Variants in ASB4 observed in about 807,000 individuals in gnomAD.
ASB4 encodes ankyrin repeat and SOCS box containing 4.
Under a neutral mutation model 38.6 loss-of-function variants are expected in ASB4, and 35 were observed. The observed-to-expected ratio is 0.91, with a 90% CI of 0.69 to 1.20. The LOEUF (loss-of-function observed/expected upper bound fraction) is 1.20. Among genes scored for constraint, ASB4 ranks in the 50% most tolerant of loss-of-function variants. The probability of loss-of-function intolerance (pLI) is 0.00; values close to 1 mark genes in which losing one functional copy is unlikely to be tolerated. For missense variants in ASB4, 557 were observed against 527.2 expected, an observed-to-expected ratio of 1.06 and a Z score of -0.55; for synonymous variants, 195 against 201.3, an observed-to-expected ratio of 0.97 and a Z score of 0.26.
chr7:95,516,717 C>T (rs1020292937), intron 2 of ASB4, among the ~76,000 whole-genome samples: 3 of 152,222 alleles, frequency 2.0e-5, no homozygotes, highest in Non-Finnish European at 4.4e-5. Context: ...GTTTAATAAG[C>T]ATTTATAAAG....
intron 2 of ASB4, among the ~76,000 whole-genome samples, chr7:95,516,926 G>A (rs1422543437): frequency 2.0e-5 from 3 of 152,110 alleles, no homozygotes; most frequent in Non-Finnish European, 4.4e-5. Context: ...TTTCAGCTTG[G>A]TATCTCTAGC....
chr7:95,490,613 T>C (rs1205103437), intron 1 of ASB4, among the ~76,000 whole-genome samples: 5 of 152,238 alleles, frequency 3.3e-5, no homozygotes, highest in East Asian at 3.9e-4. Flanking sequence ...GATAACATTA[T>C]AGTTGATAAC....
chr7:95,483,784 G>A (rs1033802208), upstream of ASB4, among the ~76,000 whole-genome samples: 3 of 152,000 alleles, frequency 2.0e-5, no homozygotes, highest in African/African-American at 7.3e-5. Flanking sequence ...CTGACAAATG[G>A]TAGATACTCG....
upstream of ASB4, among the ~76,000 whole-genome samples, chr7:95,481,333 C>G (rs951795492): frequency 6.6e-5 from 10 of 151,616 alleles, no homozygotes; most frequent in Admixed American, 5.9e-4. Flanking sequence ...AGCATTAACA[C>G]TAACCTATAA....
intron 2 of ASB4, among the ~76,000 whole-genome samples, chr7:95,505,874 G>A (rs1790401504): frequency 6.6e-6 from 1 of 151,754 alleles, no homozygotes; most frequent in Non-Finnish European, 1.5e-5. Flanking sequence ...CAAAGCTTTT[G>A]CCAATATTTT....
intron 1 of ASB4, 110 bp downstream of exon 1, chr7:95,486,268 A>G (rs1790089692): frequency 1.3e-6 from 1 of 798,044 alleles, no homozygotes; most frequent in African/African-American, 1.7e-5. Flanking sequence ...TTAAGTATTC[A>G]TTTAAAAAAT....
intron 3 of ASB4, among the ~76,000 whole-genome samples, chr7:95,529,503 T>A (rs1053114566): frequency 2.0e-5 from 3 of 152,196 alleles, no homozygotes; most frequent in Non-Finnish European, 4.4e-5. Flanking sequence ...GGTAGTGCCT[T>A]CAGTCAGGGC....
At chr7:95,517,239 GCTCACTGTAAC>G (rs1562818044) in intron 2 of ASB4, among the ~76,000 whole-genome samples, 1 of 152,096 alleles carries the variant, frequency 6.6e-6, no homozygotes, top group Non-Finnish European at 1.5e-5. Context: ...AGCCATCATA[GCTCACTGTAAC>G]CTCAAATTCC....
At chr7:95,533,071 T>C (rs1584095742) in intron 3 of ASB4, among the ~76,000 whole-genome samples, 1 of 152,094 alleles carries the variant, frequency 6.6e-6, no homozygotes, top group South Asian at 2.1e-4. Flanking sequence ...GATTGATGAG[T>C]TGGGAGGAGG....
intron 1 of ASB4, among the ~76,000 whole-genome samples, chr7:95,478,770 AC>A (rs1789999446): frequency 6.6e-6 from 1 of 152,148 alleles, no homozygotes; most frequent in South Asian, 2.1e-4. Flanking sequence ...CTTGCGTAGG[AC>A]TTTGGACCCT....
At position 95,539,777 on chromosome 7, in the gene ASB4, G is replaced by A. The variant is rs1371122328; in HGVS notation, c.*2018G>A. The A allele has an allele frequency of 1.3e-5, 2 of 152,088 alleles. No individual in the cohort carries two copies. Among genetic ancestry groups the A allele is most frequent in the African/African-American group, 4.8e-5 (2 of 41,400 alleles). 9.4% of individuals were successfully genotyped at this position (152,088 alleles called of 1,614,324 possible). ...GTGAGGGATAAAAGACTACATATTG[G>A]GTACAGTGTACACTGCTCCAGTGAT... On this transcript the variant is annotated 3_prime_UTR_variant, in exon 5 of 5. Coordinates refer to ENST00000325885, the MANE Select transcript of ASB4 (RefSeq NM_016116.3).
At chr7:95,512,618 A>G (rs1487015430) in intron 2 of ASB4, among the ~76,000 whole-genome samples, 3 of 152,028 alleles carry the variant, frequency 2.0e-5, no homozygotes, top group African/African-American at 2.4e-5. Flanking sequence ...ATACAAAGGT[A>G]CATAAAATCT....
At chr7:95,498,728 T>C (rs1468030138) in intron 2 of ASB4, among the ~76,000 whole-genome samples, 1 of 152,200 alleles carries the variant, frequency 6.6e-6, no homozygotes, top group Non-Finnish European at 1.5e-5. Context: ...TTTTTCCTCC[T>C]AGCAAAAAAT....
chr7:95,486,256 C>T, intron 1 of ASB4, 98 bp downstream of exon 1: 1 of 901,728 alleles, frequency 1.1e-6, no homozygotes, highest in East Asian at 2.6e-5. Context: ...TTTATTGTTT[C>T]TTTAAGTATT....
At chr7:95,496,507 A>G (rs1790250490) in intron 2 of ASB4, among the ~76,000 whole-genome samples, 1 of 152,194 alleles carries the variant, frequency 6.6e-6, no homozygotes, top group African/African-American at 2.4e-5. Context: ...TAAAATGTAT[A>G]AAGTCTTCTC....
rs1231362241 is a variant in ASB4, at chr7:95,537,929, GAA to G, written c.*171_*172del. 1.7e-6 allele frequency: 1 copy of G among 595,872 alleles called. No homozygotes were observed. Among genetic ancestry groups the G allele is most frequent in the East Asian group, 2.8e-5 (1 of 35,962 alleles). 36.9% of individuals were successfully genotyped at this position (595,872 alleles called of 1,614,324 possible). ...GAATATCATGGTATGGGGAAATAAAGAAGAAGTAAAGTTAAGGAATTTTCAAA... is the reference window on the plus strand; with the variant it reads ...GAATATCATGGTATGGGGAAATAAAGGAAGTAAAGTTAAGGAATTTTCAAA... On this transcript the variant is annotated 3_prime_UTR_variant, in exon 5 of 5. Coordinates refer to ENST00000325885, the MANE Select transcript of ASB4 (RefSeq NM_016116.3).
At chr7:95,550,426 A>C in the ASB4 span, among the ~76,000 whole-genome samples, 1 of 152,274 alleles carries the variant, frequency 6.6e-6, no homozygotes, top group African/African-American at 2.4e-5. Flanking sequence ...ATAGACAAGC[A>C]AGGCTTCTCT....
downstream of ASB4, chr7:95,543,687 G>A (rs1380991659): frequency 6.6e-6 from 1 of 152,194 alleles, no homozygotes; most frequent in African/African-American, 2.4e-5. Flanking sequence ...AGTATACACT[G>A]AGTATTCACC....
At chr7:95,503,980 T>C (rs902688673) in intron 2 of ASB4, among the ~76,000 whole-genome samples, 4 of 152,216 alleles carry the variant, frequency 2.6e-5, no homozygotes, top group African/African-American at 9.6e-5. Flanking sequence ...TGCCCCCATC[T>C]CCTGGCCTTT....
Sources: gnomAD v4.1 joint callset for allele counts (sites outside exome capture counted in the v4.1 genomes callset) on GRCh38, gnomAD v4.1.1 for gene constraint, MANE v1.5 for transcripts, NCBI Gene and HGNC (gene_info 2026-07-23, HGNC 2026-07-21) for gene names.